Variants in WDR64 observed in about 807,000 individuals in gnomAD.
WDR64 encodes WD repeat domain 64, also known as WD repeat-containing protein 64.
WDR64 carries 112 observed loss-of-function variants against 139.3 expected under a neutral mutation model. The ratio of observed to expected loss-of-function variants is 0.80; its 90% CI spans 0.69 to 0.94. WDR64 has a LOEUF of 0.94. Ranked by LOEUF, WDR64 falls within the 40% of genes least tolerant of loss-of-function variation. WDR64 has a pLI of 0.00. For missense variants in WDR64, 1,206 were observed against 1,293.1 expected (o/e 0.93, Z 1.03); for synonymous variants, 444 against 437.7 (o/e 1.01, Z -0.18).
intron 22 of WDR64, among the ~76,000 whole-genome samples, chr1:241,782,551 G>A (rs957269063): frequency 6.6e-6 from 1 of 152,172 alleles, no homozygotes; most frequent in Non-Finnish European, 1.5e-5. Flanking sequence ...CAGGGGGTGT[G>A]AGTGCAGAGC....
chr1:241,666,044 C>CAT (rs1359113568), intron 2 of WDR64, among the ~76,000 whole-genome samples: 4 of 152,000 alleles, frequency 2.6e-5, no homozygotes, highest in Non-Finnish European at 4.4e-5. Context: ...CTACAATGAA[C>CAT]ATATGTTCCT....
chr1:241,796,838 C>T (rs958167126), intron 27 of WDR64, among the ~76,000 whole-genome samples: 1 of 152,108 alleles, frequency 6.6e-6, no homozygotes, highest in Non-Finnish European at 1.5e-5. Flanking sequence ...TGTGTTTTAG[C>T]TCAGTGAGAT....
intron 20 of WDR64, 33 bp from the exon 21 acceptor site, chr1:241,775,072 G>T (rs529717919): frequency 3.7e-5 from 56 of 1,498,702 alleles, no homozygotes; most frequent in Non-Finnish European, 5.0e-5. Flanking sequence ...TACTAGCAAA[G>T]AAAAAGTTTT....
intron 10 of WDR64, among the ~76,000 whole-genome samples, chr1:241,735,461 T>C (rs1218216536): frequency 6.6e-6 from 1 of 150,956 alleles, no homozygotes; most frequent in Non-Finnish European, 1.5e-5. Flanking sequence ...GAAGATACCC[T>C]CCTCTCCTAT....
chr1:241,685,580 A>G (rs546862190), intron 7 of WDR64, among the ~76,000 whole-genome samples: 1 of 152,240 alleles, frequency 6.6e-6, no homozygotes, highest in South Asian at 2.1e-4. Flanking sequence ...TTTTTTCCTT[A>G]TAAAGACATT....
chr1:241,732,388 A>T (rs1157032204), intron 10 of WDR64, among the ~76,000 whole-genome samples: 2 of 152,184 alleles, frequency 1.3e-5, no homozygotes, highest in African/African-American at 4.8e-5. Flanking sequence ...GCTTCTATTA[A>T]TCTTTGTATC....
intron 4 of WDR64, among the ~76,000 whole-genome samples, chr1:241,675,925 C>T (rs770273467): frequency 2.0e-5 from 3 of 152,116 alleles, no homozygotes; most frequent in Middle Eastern, 3.2e-3. Context: ...ATATACCCTA[C>T]ATAATATTTT....
intron 9 of WDR64, among the ~76,000 whole-genome samples, chr1:241,716,103 C>A (rs892181444): frequency 6.6e-6 from 1 of 152,078 alleles, no homozygotes; most frequent in Non-Finnish European, 1.5e-5. Context: ...TAACTGAAAA[C>A]ACATTTTTCT....
At chr1:241,791,523 T>C (rs932455734) in intron 25 of WDR64, among the ~76,000 whole-genome samples, 5 of 152,044 alleles carry the variant, frequency 3.3e-5, no homozygotes, top group South Asian at 2.1e-4. Context: ...GTTTTAAAAG[T>C]AGCGGGGCAT....
rs941607107 is a variant in WDR64, at chr1:241,738,403, A to C, written c.1235A>C (p.Gln412Pro). 6.2e-7 allele frequency: 1 copy of C among 1,613,954 alleles called. No individual in the cohort carries two copies. Among genetic ancestry groups the C allele is most frequent in the Non-Finnish European group, 8.5e-7 (1 of 1,179,892 alleles). Residue 412 changes from glutamine to proline, a missense_variant, in exon 11 of 28, where the codon CAA (glutamine) becomes CCA (proline). Transcript: ENST00000437684. Reference protein sequence around the residue: ...VWDIQTLSLLQVFHDSQGGPG... With the variant: ...VWDIQTLSLLPVFHDSQGGPG... The stretch of plus-strand genomic sequence containing the variant: ...GATATACAAACTCTTTCACTATTAC[A>C]AGTCTTCCATGACAGCCAGGGAGGA...
chr1:241,775,005 T>C, intron 20 of WDR64, 100 bp from the exon 21 acceptor site: 1 of 899,722 alleles, frequency 1.1e-6, no homozygotes, highest in Non-Finnish European at 1.7e-6. Flanking sequence ...GAGATAATTC[T>C]TGAGATGCAT....
intron 22 of WDR64, 89 bp downstream of exon 22, chr1:241,780,151 T>C: frequency 2.7e-6 from 3 of 1,095,352 alleles, no homozygotes; most frequent in Non-Finnish European, 3.9e-6. Flanking sequence ...AGGATAGAAA[T>C]ACAAGACTCT....
intron 22 of WDR64, 135 bp downstream of exon 22, chr1:241,780,197 C>A: frequency 2.7e-6 from 2 of 741,038 alleles, no homozygotes; most frequent in Non-Finnish European, 4.2e-6. Context: ...GAAATTTGAG[C>A]TACATGACAA....
In WDR64 at chr1:241,703,874, A is replaced by T. The variant is rs539191564; in HGVS notation, c.975-7928A>T. ...TGGCAGGAGAGAGAAAAGTGAGCAA[A>T]AGAGGAACTTGCCAAACACTTATAA... On this transcript the variant is annotated intron_variant, in intron 8 of 27. Coordinates refer to ENST00000437684, the MANE Select transcript of WDR64 (RefSeq NM_001367482.1). The surrounding 1 kb of genome is among the most constrained non-coding windows in gnomAD (Gnocchi z 5.9). Among the ~76,000 whole-genome samples the T allele has an allele frequency of 4.6e-5, 7 of 152,246 alleles. No homozygotes were observed. In the South Asian group the frequency reaches 1.5e-3, roughly 32 times the overall value.
chr1:241,706,156 C>G (rs1200382436), intron 8 of WDR64, among the ~76,000 whole-genome samples: 1 of 152,132 alleles, frequency 6.6e-6, no homozygotes, highest in Non-Finnish European at 1.5e-5. Context: ...TCCACGGGCC[C>G]CTAAAAGTAC....
rs202158837 is a variant in WDR64 at position 241,801,147 on chromosome 1, A to G, written c.3208A>G (p.Ser1070Gly). ...VQREKAPRRR[S>G]LKKNLVPQIN... ...TATTTCACAGGCACCACGAAGAAGAAGTTTGAAAAAAAATTTAGTCCCACA... is the reference window on the plus strand; with the variant it reads ...TATTTCACAGGCACCACGAAGAAGAGGTTTGAAAAAAAATTTAGTCCCACA... Residue 1070 changes from serine (S) to glycine (G), a missense_variant, in exon 28 of 28, where the codon AGT (serine) becomes GGT (glycine). Ser to Gly is a moderately conservative substitution (Grantham distance 56). Coordinates refer to ENST00000437684, the MANE Select transcript of WDR64 (RefSeq NM_001367482.1). 2.8e-5 allele frequency: 45 copies of G among 1,613,624 alleles called. No individual in the cohort carries two copies. The highest frequency in any genetic ancestry group is 5.0e-5 in the Admixed American group (3 of 59,974).
chr1:241,674,552 T>C (rs1260423818), intron 3 of WDR64, 92 bp from the exon 4 acceptor site: 1 of 731,634 alleles, frequency 1.4e-6, no homozygotes, highest in Non-Finnish European at 2.2e-6. Flanking sequence ...ACTTGTGCCC[T>C]GGCCATATCA....
intron 4 of WDR64, among the ~76,000 whole-genome samples, chr1:241,676,836 T>C (rs1666577338): frequency 6.6e-6 from 1 of 151,282 alleles, no homozygotes; most frequent in Admixed American, 6.6e-5. Flanking sequence ...TCCCACCTCA[T>C]GGCCTCCCAA....
Position 241,771,206 on chromosome 1 carries a change from T to C in WDR64, c.2254-455T>C, listed in dbSNP as rs185896026. On this transcript the variant is annotated intron_variant, in intron 18 of 27. Coordinates refer to ENST00000437684, the MANE Select transcript of WDR64 (RefSeq NM_001367482.1). ...AAAAATTGTTTTTAAATCACCAGCA[T>C]ACTGGAAAGAATAAACTTACATGGA... Among the ~76,000 whole-genome samples, 290 of 152,358 alleles carry C rather than the reference T, an allele frequency of 1.9e-3. 2 individuals carry two copies. The highest frequency in any genetic ancestry group is 6.6e-3 in the African/African-American group (273 of 41,576).
Sources: allele counts gnomAD v4.1 joint callset (sites outside exome capture counted in the v4.1 genomes callset), GRCh38; gene constraint gnomAD v4.1.1; non-coding constraint Gnocchi (gnomAD v3.1); transcripts MANE v1.5; gene names NCBI Gene and HGNC (gene_info 2026-07-23, HGNC 2026-07-21).